The following TBC1D22A variants were observed in gnomAD, a reference collection of about 807,000 sequenced individuals.
TBC1D22A encodes the protein putative GTPase activator.
TBC1D22A carries 38 observed loss-of-function variants against 60.2 expected under a neutral mutation model. The ratio of observed to expected loss-of-function variants is 0.63; its 90% CI spans 0.49 to 0.83. The LOEUF (loss-of-function observed/expected upper bound fraction) is 0.83. TBC1D22A is among the 40% of genes least tolerant of loss of function. The probability of loss-of-function intolerance (pLI) is 0.00; values close to 1 mark genes in which losing one functional copy is unlikely to be tolerated. For synonymous variants in TBC1D22A, 302 were observed against 281.7 expected (o/e 1.07, Z -0.72); for missense variants, 628 against 701.0 (o/e 0.90, Z 1.18).
chr22:47,136,494 A>T (rs1321572703), intron 12 of TBC1D22A, among the ~76,000 whole-genome samples: 1 of 149,268 alleles, frequency 6.7e-6, no homozygotes, highest in East Asian at 2.0e-4. Context: ...TGTGGGGTGT[A>T]AAATGCCCTG....
chr22:47,099,717 T>C (rs967392030), intron 11 of TBC1D22A, among the ~76,000 whole-genome samples: 2 of 152,154 alleles, frequency 1.3e-5, no homozygotes, highest in Non-Finnish European at 2.9e-5. Context: ...AGTGCTGAGA[T>C]TACAGGCGTG....
intron 10 of TBC1D22A, among the ~76,000 whole-genome samples, chr22:47,026,610 CAG>C (rs2062266824): frequency 6.6e-6 from 1 of 152,016 alleles, no homozygotes; most frequent in Admixed American, 6.6e-5. Flanking sequence ...TGTATATTAA[CAG>C]TGAGAAATGA....
chr22:47,140,637 G>A (rs2067049188), intron 12 of TBC1D22A, among the ~76,000 whole-genome samples: 2 of 152,194 alleles, frequency 1.3e-5, no homozygotes, highest in African/African-American at 4.8e-5. Flanking sequence ...CGTTTATCCG[G>A]AAGCTGGCCT....
chr22:46,933,276 G>C (rs1196340330), intron 8 of TBC1D22A, among the ~76,000 whole-genome samples: 1 of 152,214 alleles, frequency 6.6e-6, no homozygotes, highest in African/African-American at 2.4e-5. Flanking sequence ...CGTGTGCTCT[G>C]AGCAGAGGGC....
intron 11 of TBC1D22A, among the ~76,000 whole-genome samples, chr22:47,081,835 T>A (rs1019363178): frequency 1.3e-5 from 2 of 152,180 alleles, no homozygotes; most frequent in African/African-American, 4.8e-5. Flanking sequence ...TACCATGTTT[T>A]ATGAGTACAA....
chr22:47,173,905 T>G lies in TBC1D22A; in HGVS notation c.*279T>G. The G allele has an allele frequency of 2.7e-6, 1 of 369,052 alleles. No individual in the cohort carries two copies. The highest frequency in any genetic ancestry group is 6.0e-5 in the East Asian group (1 of 16,680). 22.9% of individuals were successfully genotyped at this position (369,052 alleles called of 1,614,324 possible). On this transcript the variant is annotated 3_prime_UTR_variant, in exon 13 of 13. Coordinates refer to ENST00000337137, the MANE Select transcript of TBC1D22A (RefSeq NM_014346.5). The stretch of plus-strand genomic sequence containing the variant: ...GGGTCCCCTCTCCCTCTCCCTGCAA[T>G]GTCCTTGCCAAATGACTGCCTCGTG...
chr22:47,056,293 T>G (rs1242418529), intron 11 of TBC1D22A, among the ~76,000 whole-genome samples: 1 of 151,996 alleles, frequency 6.6e-6, no homozygotes, highest in East Asian at 1.9e-4. Context: ...GCTTGCTGTT[T>G]AAAGGAATCT....
chr22:47,044,743 C>G (rs898792517), intron 11 of TBC1D22A, among the ~76,000 whole-genome samples: 7 of 152,204 alleles, frequency 4.6e-5, no homozygotes, highest in African/African-American at 1.7e-4. Context: ...CAGGGAGGAG[C>G]TGGAAGAGGG....
chr22:47,006,954 G>C (rs1334848270), intron 10 of TBC1D22A, among the ~76,000 whole-genome samples: 1 of 152,186 alleles, frequency 6.6e-6, no homozygotes, highest in African/African-American at 2.4e-5. Flanking sequence ...AGGAGCTTGG[G>C]CTTCAGAGAG....
chr22:47,045,042 C>T (rs2062983679), intron 11 of TBC1D22A, among the ~76,000 whole-genome samples: 1 of 152,240 alleles, frequency 6.6e-6, no homozygotes, highest in Non-Finnish European at 1.5e-5. Flanking sequence ...CCCTGTCAGC[C>T]TCCATGGCCC....
intron 4 of TBC1D22A, among the ~76,000 whole-genome samples, chr22:46,843,929 C>T (rs1038993786): frequency 1.5e-4 from 23 of 151,850 alleles, no homozygotes; most frequent in African/African-American, 3.6e-4. Context: ...TGGCAGATGC[C>T]GTTGGCTGTG....
rs942769962 is a variant in TBC1D22A, at chr22:47,174,422, C to T, written c.*796C>T. ...GCCTCAGCCAGAGCCCCTGGAGGCCCACCCAGGCTGTCGGGCCATGTTGGG... is the reference window on the plus strand; with the variant it reads ...GCCTCAGCCAGAGCCCCTGGAGGCCTACCCAGGCTGTCGGGCCATGTTGGG... On this transcript the variant is annotated 3_prime_UTR_variant, in exon 13 of 13. Transcript: ENST00000337137. 16 of 152,328 alleles carry T rather than the reference C, an allele frequency of 1.1e-4. No individual in the cohort carries two copies. The highest frequency in any genetic ancestry group is 2.1e-4 in the Non-Finnish European group (14 of 68,096). 9.4% of individuals were successfully genotyped at this position (152,328 alleles called of 1,614,324 possible).
intron 11 of TBC1D22A, among the ~76,000 whole-genome samples, chr22:47,054,746 TTCCTGGGCAG>T (rs1428990864): frequency 5.3e-5 from 8 of 152,200 alleles, no homozygotes; most frequent in African/African-American, 1.9e-4. Flanking sequence ...GTGAGGGCTG[TTCCTGGGCAG>T]GTCGGGCTGA....
chr22:47,013,323 T>C (rs1167519093), intron 10 of TBC1D22A, among the ~76,000 whole-genome samples: 1 of 152,162 alleles, frequency 6.6e-6, no homozygotes, highest in East Asian at 1.9e-4. Flanking sequence ...ACTTTTCTCC[T>C]TGTGATGATA....
chr22:46,801,816 A>G (rs1041563424), intron 4 of TBC1D22A, among the ~76,000 whole-genome samples: 1 of 152,232 alleles, frequency 6.6e-6, no homozygotes, highest in African/African-American at 2.4e-5. Flanking sequence ...AGGGGTGACC[A>G]TCCAGTCTAG....
chr22:47,132,350 G>T (rs144337044), intron 12 of TBC1D22A, among the ~76,000 whole-genome samples: 1 of 152,126 alleles, frequency 6.6e-6, no homozygotes, highest in African/African-American at 2.4e-5. Flanking sequence ...GCTTCCTTCC[G>T]ATCCACCTTC....
At chr22:47,031,015 C>G (rs1200177061) in intron 10 of TBC1D22A, among the ~76,000 whole-genome samples, 1 of 152,238 alleles carries the variant, frequency 6.6e-6, no homozygotes, top group African/African-American at 2.4e-5. Context: ...GAAGGACACT[C>G]CCCGGTGCCT....
intron 4 of TBC1D22A, among the ~76,000 whole-genome samples, chr22:46,837,945 C>G (rs2086591431): frequency 6.6e-6 from 1 of 152,142 alleles, no homozygotes; most frequent in Admixed American, 6.5e-5. Context: ...CCTGTAATCC[C>G]ACCTACTCGG....
At position 47,117,637 on chromosome 22, in the gene TBC1D22A, C is replaced by T. The variant is rs374004955; in HGVS notation, c.1425+6034C>T. On this transcript the variant is annotated intron_variant, in intron 12 of 12. Transcript: ENST00000337137. ...AAGGGTCTGGCAGCGGCCGCAGGAG[C>T]GAGGAAAGCAGGACGCTCCCGGGAG... 5.3e-5 allele frequency among the ~76,000 whole-genome samples: 8 copies of T among 152,270 alleles called. No individual in the cohort carries two copies. In the South Asian group the frequency reaches 1.2e-3, roughly 24 times the overall value.
Sources: gnomAD v4.1 joint callset for allele counts (sites outside exome capture counted in the v4.1 genomes callset) on GRCh38, gnomAD v4.1.1 for gene constraint, MANE v1.5 for transcripts, NCBI Gene and HGNC (gene_info 2026-07-23, HGNC 2026-07-21) for gene names.